TARS2: variants seen among roughly 807,000 people sequenced by gnomAD.
TARS2 encodes threonyl-tRNA synthetase 2, mitochondrial.
Under a neutral mutation model 94.4 loss-of-function variants are expected in TARS2, and 61 were observed. That is an observed-to-expected ratio of 0.65 (90% CI 0.53 to 0.80). The LOEUF (loss-of-function observed/expected upper bound fraction) is 0.80, where lower values mean the gene tolerates loss of function less well. Ranked by LOEUF, TARS2 falls within the 30% of genes least tolerant of loss-of-function variation. The pLI is 0.00. For synonymous variants in TARS2, 359 were observed against 353.4 expected (o/e 1.02, Z -0.18); for missense variants, 704 against 902.5 (o/e 0.78, Z 2.82).
intron 13 of TARS2, among the ~76,000 whole-genome samples, chr1:150,503,651 GTATATA>G (rs1167561326): frequency 6.7e-6 from 1 of 148,978 alleles, no homozygotes; most frequent in Non-Finnish European, 1.5e-5. Context: ...ATATATGTGT[GTATATA>G]TGTGTGTATA....
intron 7 of TARS2, among the ~76,000 whole-genome samples, chr1:150,494,526 G>C (rs1669558982): frequency 6.6e-6 from 1 of 151,870 alleles, no homozygotes; most frequent in Middle Eastern, 3.2e-3. Flanking sequence ...GATCACTTGA[G>C]CTCAGGAGTT....
intron 1 of TARS2, 78 bp downstream of exon 1, chr1:150,487,594 A>G (rs1362984698): frequency 1.3e-6 from 2 of 1,581,758 alleles, no homozygotes; most frequent in African/African-American, 2.7e-5. Context: ...ATGTTAACCC[A>G]GCCTCACGCC....
chr1:150,493,833 A>G (rs1190260667), intron 7 of TARS2, among the ~76,000 whole-genome samples: 2 of 151,712 alleles, frequency 1.3e-5, no homozygotes, highest in African/African-American at 4.8e-5. Context: ...ACAAGGGAGC[A>G]AGGGGAAATG....
intron 3 of TARS2, 28 bp downstream of exon 3, chr1:150,489,115 G>A: frequency 6.2e-7 from 1 of 1,613,746 alleles, no homozygotes; most frequent in Non-Finnish European, 8.5e-7. Context: ...CAGGAATACA[G>A]TGACTACTAA....
In TARS2 at chr1:150,499,201, C is replaced by T. The variant is rs773301443; in HGVS notation, c.1540-15C>T. 6.2e-7 allele frequency: 1 copy of T among 1,614,042 alleles called. No individual in the cohort carries two copies. Among genetic ancestry groups the T allele is most frequent in the South Asian group, 1.1e-5 (1 of 91,078 alleles). On this transcript the variant is annotated splice_polypyrimidine_tract_variant and intron_variant, in intron 12 of 17. Transcript: ENST00000369064. ...CTAAGATGATGTATTCCACTCTTGT[C>T]TCATTCCTTCAAAGGTCCTTAAACA...
chr1:150,489,143 C>T (rs776506171), intron 3 of TARS2, 56 bp downstream of exon 3: 1 of 1,611,432 alleles, frequency 6.2e-7, no homozygotes, highest in Non-Finnish European at 8.5e-7. Flanking sequence ...GATATTGAAG[C>T]AGGAAATTCT....
At chr1:150,492,552 T>A (rs1306457969) in intron 7 of TARS2, 63 bp downstream of exon 7, 4 of 1,559,192 alleles carry the variant, frequency 2.6e-6, no homozygotes, top group Non-Finnish European at 3.5e-6. Flanking sequence ...TGGCTCACGC[T>A]TGTAATCCCA....
At position 150,497,238 on chromosome 1, in the gene TARS2, T is replaced by C. The variant is rs587763839; in HGVS notation, c.1021-292T>C. ...AAGGGGAGGTTGCAGTGAACTGAGATTGAGCCACTGCACTCCAGCCTGTGT... is the reference window on the plus strand; with the variant it reads ...AAGGGGAGGTTGCAGTGAACTGAGACTGAGCCACTGCACTCCAGCCTGTGT... On this transcript the variant is annotated intron_variant, in intron 9 of 17. Transcript: ENST00000369064. 1.1e-4 allele frequency among the ~76,000 whole-genome samples: 16 copies of C among 152,114 alleles called. 1 individual carries two copies. The South Asian group carries it at 3.1e-3, about 30-fold the overall frequency.
intron 7 of TARS2, among the ~76,000 whole-genome samples, chr1:150,496,052 G>A (rs587694523): frequency 2.2e-4 from 33 of 152,278 alleles, no homozygotes; most frequent in African/African-American, 7.9e-4. Flanking sequence ...AGCAGGCAGA[G>A]GCTTTTGGAT....
chr1:150,505,096 A>C lies in TARS2; in HGVS notation c.1893+118A>C, dbSNP rs1481474933. Reference sequence around the variant, plus strand: ...AGGAAGGAGCACAGCCCTCACAGCCACAAGACTGGGCTCGAGTGGCTGCTG... The same window carrying C: ...AGGAAGGAGCACAGCCCTCACAGCCCCAAGACTGGGCTCGAGTGGCTGCTG... On this transcript the variant is annotated intron_variant, in intron 16 of 17. Coordinates refer to ENST00000369064, the MANE Select transcript of TARS2 (RefSeq NM_025150.5). 3.0e-6 allele frequency: 3 copies of C among 999,052 alleles called. No homozygotes were observed. In the Admixed American group the frequency reaches 7.5e-5, roughly 25 times the overall value. The allele number at this position is 999,052 out of a possible 1,614,324, so 61.9% of individuals were successfully genotyped here.
At chr1:150,487,764 G>A in intron 1 of TARS2, 94 bp from the exon 2 acceptor site, 1 of 1,499,382 alleles carries the variant, frequency 6.7e-7, no homozygotes, top group Non-Finnish European at 9.0e-7. Flanking sequence ...GAATTCGGAC[G>A]AAGTCCACTT....
chr1:150,491,272 C>A, intron 4 of TARS2, 122 bp from the exon 5 acceptor site: 1 of 896,096 alleles, frequency 1.1e-6, no homozygotes, highest in Non-Finnish European at 1.8e-6. Context: ...GTTTGTCTGT[C>A]TTTGCCTATA....
At position 150,502,347 on chromosome 1, in the gene TARS2, G is replaced by A. The variant is rs961392919; in HGVS notation, c.1618-1988G>A. On this transcript the variant is annotated intron_variant, in intron 13 of 17. Coordinates refer to ENST00000369064, the MANE Select transcript of TARS2 (RefSeq NM_025150.5). ...AGCGATTCTCTTGCCTCAGCCTCCC[G>A]AGTATCTGGGACAGGTGTGCACCAC... 8.7e-5 allele frequency among the ~76,000 whole-genome samples: 13 copies of A among 149,014 alleles called. 1 individual carries two copies. The highest frequency in any genetic ancestry group is 6.7e-5 in the Admixed American group (1 of 14,878).
chr1:150,501,291 TAC>T (rs1157598923), intron 13 of TARS2, among the ~76,000 whole-genome samples: 64 of 92,412 alleles, frequency 6.9e-4, no homozygotes, highest in African/African-American at 2.3e-3. Context: ...ACCTCGTCTC[TAC>T]AAAAAAAAAT....
At chr1:150,495,855 G>A (rs587668295) in intron 7 of TARS2, among the ~76,000 whole-genome samples, 2 of 152,182 alleles carry the variant, frequency 1.3e-5, no homozygotes, top group South Asian at 2.1e-4. Flanking sequence ...GAGTAGCTGC[G>A]ACTACAGGCA....
At position 150,487,846 on chromosome 1, in the gene TARS2, C is replaced by A; in HGVS notation, c.67-12C>A. 6.2e-7 allele frequency: 1 copy of A among 1,609,944 alleles called. No individual in the cohort carries two copies. Among genetic ancestry groups the A allele is most frequent in the Non-Finnish European group, 8.5e-7 (1 of 1,178,566 alleles). ...GGACGTGTGTTACCTGCTAATATATCTTTCCCTCCAGGCAGTTGTGTCGAC... is the reference window on the plus strand; with the variant it reads ...GGACGTGTGTTACCTGCTAATATATATTTCCCTCCAGGCAGTTGTGTCGAC... On this transcript the variant is annotated splice_polypyrimidine_tract_variant and intron_variant, in intron 1 of 17. Coordinates refer to ENST00000369064, the MANE Select transcript of TARS2 (RefSeq NM_025150.5).
intron 3 of TARS2, among the ~76,000 whole-genome samples, chr1:150,489,881 G>T (rs1669306899): frequency 1.3e-5 from 2 of 152,086 alleles, no homozygotes; most frequent in Admixed American, 1.3e-4. Flanking sequence ...GGCGGAGGTT[G>T]CAGTGAGCTG....
chr1:150,501,468 CCCA>C (rs1669918139), intron 13 of TARS2, among the ~76,000 whole-genome samples: 1 of 146,548 alleles, frequency 6.8e-6, no homozygotes, highest in African/African-American at 2.5e-5. Flanking sequence ...TAGGCAGGCA[CCCA>C]TCACCATCAC....
At position 150,492,487 on chromosome 1, in the gene TARS2, T is replaced by A; in HGVS notation, c.772T>A (p.Ser258Thr). ...ACAGATTGGAGGACTGAAGCTGCTA[T>A]CGGTCAGTTGTGGGACAGAGTTAGG... Reference protein sequence around the residue: ...TGQIGGLKLLSNSSSLWRSSG... With the variant: ...TGQIGGLKLLTNSSSLWRSSG... Residue 258 changes from serine to threonine, a missense_variant and splice_region_variant, in exon 7 of 18, where the codon TCG becomes ACG. This residue lies in a region of TARS2 where 466 missense variants were observed against 609.5 expected (regional missense o/e 0.76). Coordinates refer to ENST00000369064, the MANE Select transcript of TARS2 (RefSeq NM_025150.5). 1 of 1,613,592 alleles carries A rather than the reference T, an allele frequency of 6.2e-7. No individual in the cohort carries two copies.
Sources: gnomAD v4.1 joint callset for allele counts (sites outside exome capture counted in the v4.1 genomes callset) on GRCh38, gnomAD v4.1.1 for gene constraint, gnomAD v4.1.1 regional missense constraint, MANE v1.5 for transcripts, NCBI Gene and HGNC (gene_info 2026-07-23, HGNC 2026-07-21) for gene names.